Variants in NDUFB2 observed in about 807,000 individuals in gnomAD.
NDUFB2 encodes the protein NADH dehydrogenase [ubiquinone] 1 beta subcomplex subunit 2, mitochondrial.
Under a neutral mutation model 13.4 loss-of-function variants are expected in NDUFB2, and 13 were observed. The ratio of observed to expected loss-of-function variants is 0.97; its 90% confidence interval spans 0.63 to 1.54. The LOEUF (loss-of-function observed/expected upper bound fraction) is 1.54, where lower values mean the gene tolerates loss of function less well. NDUFB2 is among the 40% of genes most tolerant of loss of function. NDUFB2 has a pLI of 0.00. For synonymous variants in NDUFB2, 47 were observed against 50.6 expected (o/e 0.93, Z 0.30); for missense variants, 150 against 139.7 (o/e 1.07, Z -0.37).
chr7:140,698,470 G>T (rs1200075104), intron 1 of NDUFB2, among the ~76,000 whole-genome samples: 1 of 152,188 alleles, frequency 6.6e-6, no homozygotes. Context: ...TAAGGGTTAT[G>T]AAGAGAATAC....
intron 1 of NDUFB2, 193 bp downstream of exon 1, chr7:140,697,035 T>G (rs191819895): frequency 2.8e-5 from 17 of 609,628 alleles, no homozygotes; most frequent in Non-Finnish European, 4.6e-5. Flanking sequence ...AGGGAGAGAC[T>G]TCGCTGGGCA....
chr7:140,705,151 G>T, intron 3 of NDUFB2, 188 bp downstream of exon 3: 1 of 359,410 alleles, frequency 2.8e-6, no homozygotes, highest in Non-Finnish European at 4.9e-6. Context: ...CCAGACTGGA[G>T]TGCAGTGGCG....
chr7:140,702,943 A>T lies in NDUFB2; in HGVS notation c.176A>T (p.Glu59Val), dbSNP rs1794916706. 6.2e-7 allele frequency: 1 copy of T among 1,613,696 alleles called. No homozygotes were observed. Among genetic ancestry groups the T allele is most frequent in the African/African-American group, 1.3e-5 (1 of 74,748 alleles). Residue 59 changes from glutamate (E) to valine (V), a missense_variant, in exon 2 of 4, where the codon GAG becomes GTG. Glu to Val is a moderately radical substitution (Grantham distance 121). Transcript: ENST00000247866. The stretch of plus-strand genomic sequence containing the variant: ...ACCAGATCCCAGGTGTTCCAGAGCG[A>T]GTTCTTCAGCGGACTCATGTGGTTC... ...QLTRSQVFQS[E>V]FFSGLMWFWI... is the part of the protein sequence containing the mutation.
rs561152662 is a variant in NDUFB2, at chr7:140,705,920, A to G, written c.*30-643A>G. 2.6e-5 allele frequency among the ~76,000 whole-genome samples: 4 copies of G among 152,248 alleles called. No homozygotes were observed. The East Asian group carries it at 7.7e-4, about 29-fold the overall frequency. On this transcript the variant is annotated intron_variant, in intron 3 of 3. Transcript: ENST00000247866. ...GGAAGTCAAGAATTTTTCTTCTTTA[A>G]AAAGGGAGGTACTAAGAAGGTTCCC...
chr7:140,700,526 C>T (rs900411033), intron 1 of NDUFB2, among the ~76,000 whole-genome samples: 12 of 151,672 alleles, frequency 7.9e-5, no homozygotes, highest in African/African-American at 2.4e-4. Flanking sequence ...GTGTGGCTCA[C>T]GCCTATAATC....
intron 2 of NDUFB2, among the ~76,000 whole-genome samples, chr7:140,704,038 A>T (rs113007847): frequency 3.3e-5 from 5 of 152,170 alleles, no homozygotes; most frequent in Non-Finnish European, 7.3e-5. Context: ...TACAGGCGTG[A>T]GCCACTGCGC....
chr7:140,697,490 C>T (rs918787772), intron 1 of NDUFB2: 32 of 687,604 alleles, frequency 4.7e-5, no homozygotes, highest in Non-Finnish European at 7.7e-5. Context: ...AGACGCAGAC[C>T]GGAGGGCGGA....
intron 1 of NDUFB2, chr7:140,700,048 T>A (rs1212547982): frequency 6.6e-6 from 1 of 152,000 alleles, no homozygotes; most frequent in Non-Finnish European, 1.5e-5. Context: ...AAACAACATG[T>A]CACTCTAGCA....
chr7:140,696,909 T>G, intron 1 of NDUFB2, 67 bp downstream of exon 1: 1 of 1,446,170 alleles, frequency 6.9e-7, no homozygotes, highest in Non-Finnish European at 9.5e-7. Flanking sequence ...CCTGGGACGC[T>G]CTCACCTTGA....
In NDUFB2 at chr7:140,702,693, T is replaced by G; in HGVS notation, c.99-173T>G. On this transcript the variant is annotated intron_variant, in intron 1 of 3. Transcript: ENST00000247866. Reference sequence around the variant, plus strand: ...TTTGGTCAGTTTTTGCTGCTACACATGAAGCAAGCTTAGTAAAAAGTGAGT... The same window carrying G: ...TTTGGTCAGTTTTTGCTGCTACACAGGAAGCAAGCTTAGTAAAAAGTGAGT... 3.9e-6 allele frequency: 3 copies of G among 767,534 alleles called. No individual in the cohort carries two copies. In the East Asian group the frequency reaches 8.0e-5, roughly 20 times the overall value. The allele number at this position is 767,534 out of a possible 1,614,324, so 47.5% of individuals were successfully genotyped here. A position where few individuals can be genotyped will look rare whatever the true frequency, so the allele number is the denominator to read the frequency against.
chr7:140,700,497 A>C (rs556811588), intron 1 of NDUFB2, among the ~76,000 whole-genome samples: 2 of 151,770 alleles, frequency 1.3e-5, no homozygotes, highest in Non-Finnish European at 2.9e-5. Flanking sequence ...TCAAAGAAGA[A>C]GGCTCTTGGC....
intron 1 of NDUFB2, chr7:140,698,213 G>T: frequency 7.4e-7 from 1 of 1,352,066 alleles, no homozygotes; most frequent in Non-Finnish European, 9.8e-7. Context: ...GGAGAGCCAT[G>T]AGCGACAGCC....
intron 1 of NDUFB2, chr7:140,698,316 T>G: frequency 1.5e-6 from 2 of 1,350,172 alleles, no homozygotes; most frequent in Non-Finnish European, 2.0e-6. Flanking sequence ...GTGTGATAAT[T>G]AAGTGCATAA....
chr7:140,698,345 C>T, intron 1 of NDUFB2: 1 of 1,339,052 alleles, frequency 7.5e-7, no homozygotes, highest in Non-Finnish European at 9.9e-7. Context: ...GGAGCATCTT[C>T]TATATGGCTG....
rs1481958260 is a variant in NDUFB2 at position 140,697,926 on chromosome 7, C to T, written c.98+1084C>T. 44 of 1,181,784 alleles carry T rather than the reference C, an allele frequency of 3.7e-5. No homozygotes were observed. The Admixed American group carries it at 1.0e-3, about 28-fold the overall frequency. The allele number at this position is 1,181,784 out of a possible 1,614,324, so 73.2% of individuals were successfully genotyped here. ...CCTAGCTCACTGCAGCCTCTAACTC[C>T]TGGGCTCAAGTGATTCTCCAGCCTC... On this transcript the variant is annotated intron_variant, in intron 1 of 3. Coordinates refer to ENST00000247866, the MANE Select transcript of NDUFB2 (RefSeq NM_004546.3).
intron 3 of NDUFB2, chr7:140,706,109 T>TGTTATGTTATGTTATGTTATGTTATGTTA (rs74407883): frequency 1.3e-5 from 2 of 151,826 alleles, no homozygotes; most frequent in African/African-American, 4.8e-5. Flanking sequence ...TGTTATGTTA[T>TGTTATGTTATGTTATGTTATGTTATGTTA]TTGAGACAGG....
rs191819895 is a variant in NDUFB2, at chr7:140,697,035, T to A, written c.98+193T>A. 180 of 609,628 alleles carry A rather than the reference T, an allele frequency of 3.0e-4. No homozygotes were observed. In the African/African-American group the frequency reaches 3.1e-3, roughly 10 times the overall value. 37.8% of individuals were successfully genotyped at this position (609,628 alleles called of 1,614,324 possible). On this transcript the variant is annotated intron_variant, in intron 1 of 3. Coordinates refer to ENST00000247866, the MANE Select transcript of NDUFB2 (RefSeq NM_004546.3). Reference sequence around the variant, plus strand: ...GCTGGCCGGAGGGAGAGGGAGAGACTTCGCTGGGCAGATGGGACACCGTGT... The same window carrying A: ...GCTGGCCGGAGGGAGAGGGAGAGACATCGCTGGGCAGATGGGACACCGTGT...
At chr7:140,705,152 TG>T in intron 3 of NDUFB2, 189 bp downstream of exon 3, 1 of 358,276 alleles carries the variant, frequency 2.8e-6, no homozygotes, top group Non-Finnish European at 4.9e-6. Context: ...CAGACTGGAG[TG>T]CAGTGGCGTG....
intron 3 of NDUFB2, among the ~76,000 whole-genome samples, chr7:140,705,872 T>C (rs1794960220): frequency 6.6e-6 from 1 of 152,192 alleles, no homozygotes; most frequent in Non-Finnish European, 1.5e-5. Flanking sequence ...TAAAGGGTTA[T>C]GGCTTTTTCA....
Sources: gnomAD v4.1 joint callset for allele counts (sites outside exome capture counted in the v4.1 genomes callset) on GRCh38, gnomAD v4.1.1 for gene constraint, MANE v1.5 for transcripts, NCBI Gene and HGNC (gene_info 2026-07-23, HGNC 2026-07-21) for gene names.